FYTTD1: variants seen among roughly 807,000 people sequenced by gnomAD.
The protein encoded by FYTTD1 is UAP56-interacting factor.
Under a neutral mutation model 40.9 loss-of-function variants are expected in FYTTD1, and 22 were observed. The ratio of observed to expected loss-of-function variants is 0.54; its 90% CI spans 0.38 to 0.77. FYTTD1 has a LOEUF of 0.77. FYTTD1 is among the 30% of genes least tolerant of loss of function. FYTTD1 has a pLI of 0.00. For synonymous variants in FYTTD1, 140 were observed against 137.9 expected, an observed-to-expected ratio of 1.01 and a Z score of -0.10; for missense variants, 351 against 392.2, an observed-to-expected ratio of 0.90 and a Z score of 0.89.
intron 3 of FYTTD1, 52 bp downstream of exon 3, chr3:197,768,639 T>A: frequency 6.8e-7 from 1 of 1,476,364 alleles, no homozygotes; most frequent in Non-Finnish European, 9.2e-7. Context: ...TTATTTGTAC[T>A]AACATTTCTG....
chr3:197,759,423 A>T (rs186944362), intron 2 of FYTTD1, among the ~76,000 whole-genome samples: 7 of 152,076 alleles, frequency 4.6e-5, no homozygotes, highest in African/African-American at 1.4e-4. Flanking sequence ...GGTAGAATGT[A>T]TGGAGTTGTT....
At chr3:197,776,851 T>G in intron 6 of FYTTD1, 76 bp from the exon 7 acceptor site, 1 of 968,056 alleles carries the variant, frequency 1.0e-6, no homozygotes, top group African/African-American at 1.7e-5. Flanking sequence ...ACTTTTAATG[T>G]TCATTTTTAT....
chr3:197,766,902 C>G (rs1729566765), intron 2 of FYTTD1, among the ~76,000 whole-genome samples: 1 of 151,892 alleles, frequency 6.6e-6, no homozygotes, highest in African/African-American at 2.4e-5. Flanking sequence ...ATAGTTAAAA[C>G]CAAAAATGTT....
intron 4 of FYTTD1, among the ~76,000 whole-genome samples, chr3:197,770,726 T>C (rs1729693181): frequency 6.6e-6 from 1 of 152,094 alleles, no homozygotes. Flanking sequence ...TTTTTTTTTT[T>C]TTTAATAGAG....
chr3:197,764,217 G>A (rs2109043621), intron 2 of FYTTD1, among the ~76,000 whole-genome samples: 1 of 152,296 alleles, frequency 6.6e-6, no homozygotes, highest in East Asian at 1.9e-4. Flanking sequence ...CCTTCATAGT[G>A]CTTTTTAGAA....
At chr3:197,766,983 TG>T (rs1346004671) in intron 2 of FYTTD1, among the ~76,000 whole-genome samples, 1 of 152,132 alleles carries the variant, frequency 6.6e-6, no homozygotes, top group Non-Finnish European at 1.5e-5. Flanking sequence ...CATCTCTAGG[TG>T]GTAGGCTGAT....
rs374937231 is a variant in FYTTD1, at chr3:197,774,088, C to A, written c.595-61C>A. The A allele has an allele frequency of 1.7e-4, 232 of 1,378,038 alleles. 1 individual carries two copies. In the African/African-American group the frequency reaches 3.0e-3, roughly 18 times the overall value. The allele number at this position is 1,378,038 out of a possible 1,614,324, so 85.4% of individuals were successfully genotyped here. A position where few individuals can be genotyped will look rare whatever the true frequency, so the allele number is the denominator to read the frequency against. On this transcript the variant is annotated intron_variant, in intron 5 of 8. Transcript: ENST00000241502. ...GGGTTAGGAAGTTCCAGAGCAGGAT[C>A]GCTCTTTGGATTCAAATCCTCTGCT...
chr3:197,755,102 G>T (rs1271095983), intron 1 of FYTTD1, among the ~76,000 whole-genome samples: 1 of 152,198 alleles, frequency 6.6e-6, no homozygotes, highest in African/African-American at 2.4e-5. Flanking sequence ...CAGTTTGGAA[G>T]TATGTTTGGA....
At chr3:197,768,144 A>T (rs1156927982) in intron 2 of FYTTD1, among the ~76,000 whole-genome samples, 1 of 152,216 alleles carries the variant, frequency 6.6e-6, no homozygotes, top group Non-Finnish European at 1.5e-5. Context: ...ACCATAATGC[A>T]CAGGTAAAGA....
At chr3:197,757,081 A>C (rs547217448) in intron 2 of FYTTD1, among the ~76,000 whole-genome samples, 7 of 152,250 alleles carry the variant, frequency 4.6e-5, no homozygotes, top group African/African-American at 1.4e-4. Context: ...TACATTCTGC[A>C]TAGAAAATGA....
In FYTTD1 at chr3:197,773,449, C is replaced by A. The variant is rs750554245; in HGVS notation, c.544C>A (p.His182Asn). 1.4e-5 allele frequency: 22 copies of A among 1,603,526 alleles called. No individual in the cohort carries two copies. The Admixed American group carries it at 2.5e-4, about 18-fold the overall frequency. ...TACCAGGAGTGGAAATAAATTAAAT[C>A]ATCAGAAAGATACTCGTCAGGCAAC... is the stretch of plus-strand genomic sequence containing the variant. ...NFTRSGNKLN[H>N]QKDTRQATFL... The change falls in exon 5 of 9, where the codon CAT (histidine) becomes AAT (asparagine). Residue 182 changes from histidine to asparagine, a missense_variant. His to Asn is a moderately conservative substitution (Grantham distance 68). Transcript: ENST00000241502.
At chr3:197,770,695 A>C (rs1729691590) in intron 4 of FYTTD1, among the ~76,000 whole-genome samples, 1 of 150,388 alleles carries the variant, frequency 6.6e-6, no homozygotes, top group South Asian at 2.1e-4. Context: ...CTGCAGATAC[A>C]TGCCACCATG....
chr3:197,754,922 C>T (rs1729167669), intron 1 of FYTTD1, among the ~76,000 whole-genome samples: 1 of 152,162 alleles, frequency 6.6e-6, no homozygotes, highest in Non-Finnish European at 1.5e-5. Context: ...CATCTCACCT[C>T]TAAAAGTGCT....
chr3:197,778,669 C>A (rs775264862), intron 8 of FYTTD1, among the ~76,000 whole-genome samples: 2 of 152,204 alleles, frequency 1.3e-5, no homozygotes, highest in African/African-American at 4.8e-5. Context: ...TGACTGAATT[C>A]TTTCACTTAG....
At position 197,778,360 on chromosome 3, in the gene FYTTD1, C is replaced by A; in HGVS notation, c.754C>A (p.Arg252Ser). 1 of 1,605,952 alleles carries A rather than the reference C, an allele frequency of 6.2e-7. No homozygotes were observed. The highest frequency in any genetic ancestry group is 8.5e-7 in the Non-Finnish European group (1 of 1,176,552). Reference protein sequence around the residue: ...CPVTQKPRLTRTAVPSFLTKR... With the variant: ...CPVTQKPRLTSTAVPSFLTKR... ...TAGAACTCAGAAACCACGATTAACT[C>A]GTACTGCTGTACCTTCATTTTTAAC... is the stretch of plus-strand genomic sequence containing the variant. The change falls in exon 8 of 9, where the codon CGT becomes AGT. Residue 252 changes from arginine (R) to serine (S), a missense_variant. Arg to Ser is a moderately radical substitution (Grantham distance 110). Transcript: ENST00000241502.
chr3:197,751,395 C>T (rs752865956), intron 1 of FYTTD1, among the ~76,000 whole-genome samples: 4 of 152,198 alleles, frequency 2.6e-5, no homozygotes, highest in Non-Finnish European at 5.9e-5. Context: ...AATCCCAGCC[C>T]TTTGAAGGCG....
rs1205581671 is a variant in FYTTD1, at chr3:197,760,457, GTCTTCACGGGTAGAATGTATAGAGT to G, written c.235+3907_235+3931del. Reference sequence around the variant, plus strand: ...GGTAGAATGTATGAGTTCTTCAGGGGTCTTCACGGGTAGAATGTATAGAGTTCTTCAGGGGTAGAATGTATAGAGT... The same window carrying G: ...GGTAGAATGTATGAGTTCTTCAGGGGTCTTCAGGGGTAGAATGTATAGAGT... On this transcript the variant is annotated intron_variant, in intron 2 of 8. Transcript: ENST00000241502. 8.5e-3 allele frequency among the ~76,000 whole-genome samples: 1,281 copies of G among 150,442 alleles called. 9 individuals are homozygous for G. The highest frequency in any genetic ancestry group is 0.029 in the African/African-American group (1,188 of 40,616).
At chr3:197,756,761 G>A (rs1326780862) in intron 2 of FYTTD1, among the ~76,000 whole-genome samples, 1 of 152,182 alleles carries the variant, frequency 6.6e-6, no homozygotes, top group Non-Finnish European at 1.5e-5. Context: ...CTTAAACGTT[G>A]TAAGTCATTT....
chr3:197,757,194 C>T (rs1483560382), intron 2 of FYTTD1, among the ~76,000 whole-genome samples: 3 of 152,174 alleles, frequency 2.0e-5, no homozygotes, highest in Admixed American at 6.5e-5. Context: ...TGGAACTCTA[C>T]ACATTTAGTT....
Sources: gnomAD v4.1 joint callset for allele counts (sites outside exome capture counted in the v4.1 genomes callset) on GRCh38, gnomAD v4.1.1 for gene constraint, MANE v1.5 for transcripts, NCBI Gene and HGNC (gene_info 2026-07-23, HGNC 2026-07-21) for gene names.